The following CDK5RAP2 variants were observed in gnomAD, a reference collection of about 807,000 sequenced individuals.
CDK5RAP2 encodes the protein CDK5 regulatory subunit associated protein 2, also known as CDK5 regulatory subunit-associated protein 2.
In CDK5RAP2, 147 loss-of-function variants were observed where a neutral mutation model predicts 232.9. That is an observed-to-expected ratio of 0.63 (90% CI 0.55 to 0.72). The LOEUF is 0.72. Ranked by LOEUF, CDK5RAP2 falls within the 30% of genes least tolerant of loss-of-function variation. The probability of loss-of-function intolerance (pLI) is 0.00; values close to 1 mark genes in which losing one functional copy is unlikely to be tolerated. For synonymous variants in CDK5RAP2, 833 were observed against 833.7 expected (o/e 1.00, Z 0.01); for missense variants, 2,195 against 2,231.5 (o/e 0.98, Z 0.33).
At chr9:120,397,002 C>T (rs988190489) in intron 35 of CDK5RAP2, among the ~76,000 whole-genome samples, 6 of 152,156 alleles carry the variant, frequency 3.9e-5, no homozygotes, top group South Asian at 2.1e-4. Flanking sequence ...TCAAGATTTC[C>T]GCAAGGGATC....
intron 5 of CDK5RAP2, among the ~76,000 whole-genome samples, chr9:120,542,922 G>C (rs1279421649): frequency 6.6e-6 from 1 of 152,208 alleles, no homozygotes; most frequent in Non-Finnish European, 1.5e-5. Context: ...GCTTTACAAA[G>C]GGCTGAGCAA....
chr9:120,497,756 G>A, intron 12 of CDK5RAP2, among the ~76,000 whole-genome samples: 1 of 152,194 alleles, frequency 6.6e-6, no homozygotes, highest in East Asian at 1.9e-4. Context: ...AAAGCTGAGT[G>A]TTGGGAGAAG....
Position 120,536,463 on chromosome 9 carries a change from G to C in CDK5RAP2, c.571C>G (p.Leu191Val), listed in dbSNP as rs762534126. 7 of 1,614,128 alleles carry C rather than the reference G, an allele frequency of 4.3e-6. No homozygotes were observed. The Admixed American group carries it at 1.2e-4, about 27-fold the overall frequency. Residue 191 changes from leucine to valine, a missense_variant, in exon 7 of 38, where the codon CTT (leucine) becomes GTT (valine). Physicochemically the swap from Leu to Val is conservative, Grantham distance 32. Transcript: ENST00000349780. ...AFAGTETEKA[L>V]RLRLESKLSE... is the part of the protein sequence containing the mutation. ...AGCTTGCTTTCCAAACGCAACCGAA[G>C]AGCCTTCTCCGTCTCTGTCCCTGCA...
chr9:120,496,598 G>C (rs1344918943), intron 12 of CDK5RAP2, among the ~76,000 whole-genome samples: 1 of 150,652 alleles, frequency 6.6e-6, no homozygotes, highest in African/African-American at 2.4e-5. Context: ...CGCCCCGTCC[G>C]GGAGGTGAGG....
chr9:120,557,035 T>C (rs539844828), intron 3 of CDK5RAP2, among the ~76,000 whole-genome samples: 15 of 152,358 alleles, frequency 9.8e-5, no homozygotes, highest in South Asian at 6.2e-4. Flanking sequence ...GCCCCCATTG[T>C]ACACAATGCT....
intron 7 of CDK5RAP2, among the ~76,000 whole-genome samples, chr9:120,532,171 G>A (rs1226126915): frequency 3.0e-4 from 46 of 152,054 alleles, no homozygotes; most frequent in Non-Finnish European, 1.3e-4. Flanking sequence ...AATCTCCTAG[G>A]TTTTAAACAG....
At chr9:120,506,042 C>T (rs531670525) in intron 12 of CDK5RAP2, among the ~76,000 whole-genome samples, 139 of 152,270 alleles carry the variant, frequency 9.1e-4, no homozygotes, top group African/African-American at 3.3e-3. Context: ...GAAGAAGATG[C>T]CATCTAGGAG....
intron 23 of CDK5RAP2, among the ~76,000 whole-genome samples, chr9:120,441,272 A>G (rs1005026593): frequency 2.0e-5 from 3 of 152,216 alleles, no homozygotes; most frequent in Admixed American, 6.5e-5. Context: ...GAAATTCAAC[A>G]GACATGGTTT....
intron 12 of CDK5RAP2, among the ~76,000 whole-genome samples, chr9:120,513,296 T>C (rs747251423): frequency 5.9e-5 from 9 of 152,192 alleles, no homozygotes; most frequent in Non-Finnish European, 1.2e-4. Context: ...TCCATCAGAC[T>C]AGTCTTTCTA....
chr9:120,461,340 T>C lies in CDK5RAP2; in HGVS notation c.2107-673A>G, dbSNP rs557882822. Among the ~76,000 whole-genome samples, 4 of 152,348 alleles carry C rather than the reference T, an allele frequency of 2.6e-5. No individual in the cohort carries two copies. The East Asian group carries it at 7.7e-4, about 29-fold the overall frequency. ...ATAAATCCCTAATGCTTCAAAGAAG[T>C]GTAAATCCCAAAGCTTCTGAGTTCT... On this transcript the variant is annotated intron_variant, in intron 18 of 37. Coordinates refer to ENST00000349780, the MANE Select transcript of CDK5RAP2 (RefSeq NM_018249.6).
chr9:120,548,880 G>A (rs1353271100), intron 4 of CDK5RAP2, among the ~76,000 whole-genome samples: 1 of 152,222 alleles, frequency 6.6e-6, no homozygotes, highest in Non-Finnish European at 1.5e-5. Flanking sequence ...AGTAAGGCGA[G>A]GCGCAGTGCC....
chr9:120,432,320 A>G (rs1001510713), intron 25 of CDK5RAP2, among the ~76,000 whole-genome samples: 2 of 152,234 alleles, frequency 1.3e-5, no homozygotes, highest in Non-Finnish European at 2.9e-5. Context: ...TGAATAAAAA[A>G]GGTCTGGGCA....
At position 120,528,805 on chromosome 9, in the gene CDK5RAP2, A is replaced by T. The variant is rs765165322; in HGVS notation, c.826-8T>A. Reference sequence around the variant, plus strand: ...ATGCTCCATTTGTGCAGCCTAAGAAAAGGCATTAATTGGTGTGAAGAAGGG... The same window carrying T: ...ATGCTCCATTTGTGCAGCCTAAGAATAGGCATTAATTGGTGTGAAGAAGGG... On this transcript the variant is annotated splice_region_variant and splice_polypyrimidine_tract_variant and intron_variant, in intron 8 of 37. Transcript: ENST00000349780. The T allele has an allele frequency of 6.8e-6, 11 of 1,606,972 alleles. No homozygotes were observed. In the African/African-American group the frequency reaches 1.3e-4, roughly 20 times the overall value.
At position 120,415,172 on chromosome 9, in the gene CDK5RAP2, A is replaced by T. The variant is rs367731616; in HGVS notation, c.4178-13T>A. 1 of 1,613,664 alleles carries T rather than the reference A, an allele frequency of 6.2e-7. No homozygotes were observed. Reference sequence around the variant, plus strand: ...TCCATTAGTAAGTCTACAGGAAGGAAGCCATTTTTAATTTAAAGTCTGAAC... The same window carrying T: ...TCCATTAGTAAGTCTACAGGAAGGATGCCATTTTTAATTTAAAGTCTGAAC... On this transcript the variant is annotated splice_polypyrimidine_tract_variant and intron_variant, in intron 27 of 37. Coordinates refer to ENST00000349780, the MANE Select transcript of CDK5RAP2 (RefSeq NM_018249.6).
At chr9:120,514,372 G>A (rs956380198) in intron 12 of CDK5RAP2, among the ~76,000 whole-genome samples, 6 of 150,934 alleles carry the variant, frequency 4.0e-5, no homozygotes, top group Non-Finnish European at 7.4e-5. Flanking sequence ...TTATACACAC[G>A]CACACACACA....
chr9:120,521,183 T>C (rs936817816), intron 11 of CDK5RAP2, among the ~76,000 whole-genome samples: 1 of 152,180 alleles, frequency 6.6e-6, no homozygotes, highest in African/African-American at 2.4e-5. Flanking sequence ...ACCAAAGTAC[T>C]CTGTTTTTGT....
chr9:120,501,122 G>C (rs2039554523), intron 12 of CDK5RAP2, among the ~76,000 whole-genome samples: 1 of 152,172 alleles, frequency 6.6e-6, no homozygotes, highest in Non-Finnish European at 1.5e-5. Flanking sequence ...CCATCAGCTA[G>C]ACCCCCCTGA....
chr9:120,564,710 T>C (rs2042586449), intron 3 of CDK5RAP2, among the ~76,000 whole-genome samples: 1 of 152,206 alleles, frequency 6.6e-6, no homozygotes, highest in South Asian at 2.1e-4. Flanking sequence ...AATGGAAAGT[T>C]ATCCATGTCA....
At chr9:120,494,962 C>CG (rs2039102981) in intron 12 of CDK5RAP2, among the ~76,000 whole-genome samples, 1 of 134,494 alleles carries the variant, frequency 7.4e-6, no homozygotes, top group South Asian at 2.3e-4. Flanking sequence ...CGCGACCGAC[C>CG]GCAGCCGCCG....
Sources: gnomAD v4.1 joint callset for allele counts (sites outside exome capture counted in the v4.1 genomes callset) on GRCh38, gnomAD v4.1.1 for gene constraint, MANE v1.5 for transcripts, NCBI Gene and HGNC (gene_info 2026-07-23, HGNC 2026-07-21) for gene names.